The following UNC13C variants were observed in gnomAD, a reference collection of about 807,000 sequenced individuals.
UNC13C encodes unc-13 homolog C, also known as protein unc-13 homolog C.
UNC13C carries 174 observed loss-of-function variants against 245.4 expected under a neutral mutation model. That is an observed-to-expected ratio of 0.71 (90% CI 0.63 to 0.80). UNC13C has a LOEUF of 0.80. Ranked by LOEUF, UNC13C falls within the 30% of genes least tolerant of loss-of-function variation. The pLI, the probability that UNC13C is intolerant of heterozygous loss-of-function variation, is 0.00. For missense variants in UNC13C, 2,829 were observed against 2,602.9 expected, an observed-to-expected ratio of 1.09 and a Z score of -1.89; for synonymous variants, 992 against 895.1, an observed-to-expected ratio of 1.11 and a Z score of -1.93.
chr15:54,147,468 C>T (rs1207887796), intron 4 of UNC13C, among the ~76,000 whole-genome samples: 2 of 152,142 alleles, frequency 1.3e-5, no homozygotes, highest in Non-Finnish European at 2.9e-5. Flanking sequence ...ATCTGCCTGC[C>T]TCGGCCTCCC....
chr15:54,385,357 T>C lies in UNC13C; in HGVS notation c.4714-7691T>C, dbSNP rs114656209. On this transcript the variant is annotated intron_variant, in intron 17 of 32. Transcript: ENST00000260323. Reference sequence around the variant, plus strand: ...GTATATATTCATAATAGAATACTACTTGACCATAAAAATAATGAAATCATG... The same window carrying C: ...GTATATATTCATAATAGAATACTACCTGACCATAAAAATAATGAAATCATG... Among the ~76,000 whole-genome samples the C allele has an allele frequency of 8.9e-3, 1,351 of 151,866 alleles. 19 individuals are homozygous for C. Among genetic ancestry groups the C allele is most frequent in the African/African-American group, 0.031 (1,297 of 41,414 alleles).
chr15:54,414,807 C>T (rs759601505), intron 18 of UNC13C, among the ~76,000 whole-genome samples, 175 bp from the exon 19 acceptor site: 8 of 151,888 alleles, frequency 5.3e-5, no homozygotes, highest in African/African-American at 1.7e-4. Flanking sequence ...TAACATTAAA[C>T]TCTAGTGTGT....
chr15:54,154,916 T>G (rs532686381), intron 4 of UNC13C, among the ~76,000 whole-genome samples: 2 of 152,354 alleles, frequency 1.3e-5, no homozygotes, highest in South Asian at 4.1e-4. Context: ...TAATAAGAAC[T>G]GTCTTTGTAA....
chr15:54,099,893 G>A (rs953217855), intron 2 of UNC13C, among the ~76,000 whole-genome samples: 2 of 152,018 alleles, frequency 1.3e-5, no homozygotes, highest in African/African-American at 4.8e-5. Flanking sequence ...TCAGGAGTTC[G>A]AAATCAGCCT....
In UNC13C at chr15:54,131,457, T is replaced by C. The variant is rs2031409758; in HGVS notation, c.2984-11561T>C. 2.6e-5 allele frequency among the ~76,000 whole-genome samples: 4 copies of C among 152,336 alleles called. No individual in the cohort carries two copies. In the South Asian group the frequency reaches 8.3e-4, roughly 32 times the overall value. ...CATGGTCAACAGTGGTCCAAAAATA[T>C]TCAATGGAAAATTCCAGAAGTTAAT... On this transcript the variant is annotated intron_variant, in intron 2 of 32. Coordinates refer to ENST00000260323, the MANE Select transcript of UNC13C (RefSeq NM_001080534.3).
the UNC13C span, among the ~76,000 whole-genome samples, chr15:53,963,722 G>C: frequency 1.3e-5 from 2 of 152,164 alleles, no homozygotes; most frequent in African/African-American, 4.8e-5. Context: ...TGAAGGATGA[G>C]ATGCTCAAGG....
At chr15:54,374,961 A>T (rs12438899) in intron 17 of UNC13C, among the ~76,000 whole-genome samples, 9,904 of 152,294 alleles carry the variant, frequency 0.065, 552 homozygotes, top group East Asian at 0.22. Context: ...TAATTCTATA[A>T]ATAAACCACA....
chr15:54,170,521 C>A (rs2033357230), intron 4 of UNC13C, among the ~76,000 whole-genome samples: 1 of 152,024 alleles, frequency 6.6e-6, no homozygotes, highest in Non-Finnish European at 1.5e-5. Context: ...GTCAAGTTTT[C>A]CCTTTTTAAA....
At chr15:53,972,911 A>G in the UNC13C span, 2 of 152,200 alleles carry the variant, frequency 1.3e-5, no homozygotes, top group Non-Finnish European at 2.9e-5. Context: ...TGCTCAATAT[A>G]TACATCAACT....
chr15:53,891,596 C>A, the UNC13C span, among the ~76,000 whole-genome samples: 1 of 152,062 alleles, frequency 6.6e-6, no homozygotes, highest in Non-Finnish European at 1.5e-5. Flanking sequence ...TTGAATTGAT[C>A]CCTTTACCAT....
intron 19 of UNC13C, among the ~76,000 whole-genome samples, chr15:54,437,511 T>C (rs532837949): frequency 1.3e-5 from 2 of 152,070 alleles, no homozygotes; most frequent in South Asian, 4.1e-4. Flanking sequence ...ATCTAGTTTG[T>C]TTATTTTTGA....
chr15:54,393,089 C>A lies in UNC13C; in HGVS notation c.4755C>A (p.Thr1585=). ...QDIPREDQGP[T]TKNLDFWPQL... is the part of the protein sequence containing the mutation. ...TTCCTCGTGAAGATCAGGGACCAAC[C>A]ACCAAGAATTTGGATTTTTGGCCCC... is the stretch of plus-strand genomic sequence containing the variant. Residue 1585 remains threonine (T), a synonymous_variant, in exon 18 of 33, where the codon ACC becomes ACA. Coordinates refer to ENST00000260323, the MANE Select transcript of UNC13C (RefSeq NM_001080534.3). The A allele has an allele frequency of 3.1e-6, 5 of 1,610,012 alleles. No individual in the cohort carries two copies. The highest frequency in any genetic ancestry group is 1.7e-5 in the Admixed American group (1 of 59,156).
intron 4 of UNC13C, among the ~76,000 whole-genome samples, chr15:54,156,018 A>G (rs935837957): frequency 1.1e-4 from 16 of 152,342 alleles, no homozygotes; most frequent in African/African-American, 2.6e-4. Context: ...TTTGAATAAC[A>G]TATTTCTGTA....
chr15:54,347,593 G>T (rs1020382576), intron 17 of UNC13C, among the ~76,000 whole-genome samples: 9 of 152,122 alleles, frequency 5.9e-5, no homozygotes, highest in African/African-American at 2.2e-4. Flanking sequence ...GAAAGTTCTT[G>T]ACATTCATGT....
intron 2 of UNC13C, among the ~76,000 whole-genome samples, chr15:54,089,462 G>A (rs866820630): frequency 4.0e-5 from 6 of 151,204 alleles, no homozygotes; most frequent in Middle Eastern, 6.8e-3. Flanking sequence ...TCAGATAAGA[G>A]CAGTATTCAG....
upstream of UNC13C, among the ~76,000 whole-genome samples, chr15:53,976,459 C>T (rs2711594): frequency 0.38 from 34,939 of 90,818 alleles, 6,510 homozygotes; most frequent in East Asian, 0.54. Flanking sequence ...TTTCTTCTTT[C>T]TCTCTCTCTC....
chr15:53,862,315 A>C, the UNC13C span, among the ~76,000 whole-genome samples: 1 of 152,064 alleles, frequency 6.6e-6, no homozygotes, highest in Non-Finnish European at 1.5e-5. Context: ...CACCAGACAG[A>C]CTCAAAATTA....
At chr15:54,482,521 G>A (rs1201221906) in intron 19 of UNC13C, among the ~76,000 whole-genome samples, 6 of 152,264 alleles carry the variant, frequency 3.9e-5, no homozygotes. Context: ...CACAATGGGA[G>A]GTTCCTCCTG....
At chr15:53,960,517 A>C in the UNC13C span, among the ~76,000 whole-genome samples, 1 of 152,126 alleles carries the variant, frequency 6.6e-6, no homozygotes, top group African/African-American at 2.4e-5. Context: ...CAAGGACTAT[A>C]GTCTGGAATG....
Sources: allele counts gnomAD v4.1 joint callset (sites outside exome capture counted in the v4.1 genomes callset), GRCh38; gene constraint gnomAD v4.1.1; transcripts MANE v1.5; gene names NCBI Gene and HGNC (gene_info 2026-07-23, HGNC 2026-07-21).